The following PUDP variants were observed in gnomAD, a reference collection of about 807,000 sequenced individuals.
PUDP encodes pseudouridine-5'-phosphatase.
PUDP carries 8 observed loss-of-function variants against 9.4 expected under a neutral mutation model. The observed-to-expected ratio is 0.85, with a 90% CI of 0.50 to 1.53. PUDP has a LOEUF of 1.53. Ranked by LOEUF, PUDP falls within the 40% of genes most tolerant of loss-of-function variation. The pLI is 0.00. For synonymous variants in PUDP, 99 were observed against 80.7 expected (o/e 1.23, Z -1.22); for missense variants, 188 against 189.7 (o/e 0.99, Z 0.05).
At chrX:7,093,080 C>T in intron 2 of PUDP, among the ~76,000 whole-genome samples, 1 of 112,295 alleles carries the variant, frequency 8.9e-6, no homozygotes, top group South Asian at 3.7e-4. Context: ...CATTGTTGTA[C>T]AGCCATCACC....
At chrX:6,901,980 T>G (rs1417347612) in intron 3 of PUDP, among the ~76,000 whole-genome samples, 1 of 110,860 alleles carries the variant, frequency 9.0e-6, no homozygotes, top group Non-Finnish European at 1.9e-5. Flanking sequence ...CACAAGCGAT[T>G]CTTCCCCCTC....
chrX:6,751,791 A>C (rs2080112810), intron 3 of PUDP, among the ~76,000 whole-genome samples: 1 of 111,558 alleles, frequency 9.0e-6, no homozygotes, highest in African/African-American at 3.3e-5. Context: ...ATTATGCAAG[A>C]TATTTTTACA....
At chrX:6,806,075 G>A (rs1296092051) in intron 3 of PUDP, among the ~76,000 whole-genome samples, 1 of 110,846 alleles carries the variant, frequency 9.0e-6, no homozygotes, top group African/African-American at 3.3e-5. Flanking sequence ...ACAAGCAGTG[G>A]GAATGGATGG....
At chrX:6,996,552 T>C (rs1455921924) in intron 1 of PUDP, among the ~76,000 whole-genome samples, 1 of 91,858 alleles carries the variant, frequency 1.1e-5, no homozygotes, top group Non-Finnish European at 2.2e-5. Flanking sequence ...TTTCCATTTT[T>C]TCCTCATATA....
chrX:6,980,632 G>A (rs1331060437), intron 1 of PUDP, among the ~76,000 whole-genome samples: 4 of 108,523 alleles, frequency 3.7e-5, no homozygotes, highest in African/African-American at 1.0e-4. Context: ...CATGGGTTTC[G>A]CATCTGAGGA....
At chrX:6,772,572 T>C (rs979887021) in intron 3 of PUDP, among the ~76,000 whole-genome samples, 1 of 108,076 alleles carries the variant, frequency 9.3e-6, no homozygotes, top group African/African-American at 3.4e-5. Flanking sequence ...TTTCCAGCCA[T>C]TCCCAGAAAA....
chrX:6,895,913 G>A (rs1880342271), intron 3 of PUDP, among the ~76,000 whole-genome samples: 1 of 110,627 alleles, frequency 9.0e-6, no homozygotes, highest in Non-Finnish European at 1.9e-5. Context: ...GGGGGAAGGG[G>A]CGAGGGAGCT....
chrX:6,817,764 A>C (rs1414175456), intron 3 of PUDP, among the ~76,000 whole-genome samples: 1 of 111,412 alleles, frequency 9.0e-6, no homozygotes, highest in Non-Finnish European at 1.9e-5. Flanking sequence ...CCAGGTCTGC[A>C]TTTCTTCATA....
At chrX:7,027,892 T>C (rs1332919540) in intron 1 of PUDP, among the ~76,000 whole-genome samples, 1 of 97,374 alleles carries the variant, frequency 1.0e-5, no homozygotes. Flanking sequence ...TTTCTATATA[T>C]AGACTATATA....
chrX:7,076,775 G>A (rs1173955591), intron 3 of PUDP, among the ~76,000 whole-genome samples: 2 of 112,153 alleles, frequency 1.8e-5, no homozygotes, highest in East Asian at 5.6e-4. Context: ...AGCAAAAACT[G>A]CAGCAACCAA....
chrX:7,018,590 G>A (rs1424908786), intron 1 of PUDP, among the ~76,000 whole-genome samples: 2 of 112,645 alleles, frequency 1.8e-5, no homozygotes, highest in Middle Eastern at 4.6e-3. Flanking sequence ...CTGCAATGGC[G>A]ATGTGGTTGA....
chrX:6,748,467 G>A (rs776096432), intron 3 of PUDP, among the ~76,000 whole-genome samples: 35 of 111,449 alleles, frequency 3.1e-4, no homozygotes, highest in Non-Finnish European at 5.1e-4. Flanking sequence ...GAATAGACTC[G>A]TTGTTCAGTA....
At chrX:7,003,509 A>G (rs1234112232) in intron 1 of PUDP, among the ~76,000 whole-genome samples, 1 of 112,207 alleles carries the variant, frequency 8.9e-6, no homozygotes, top group Non-Finnish European at 1.9e-5. Context: ...AGAAGACAAT[A>G]TATGTGCCTA....
intron 1 of PUDP, among the ~76,000 whole-genome samples, chrX:7,108,383 C>T (rs912369088): frequency 1.8e-5 from 2 of 111,919 alleles, no homozygotes; most frequent in South Asian, 7.5e-4. Flanking sequence ...CCCAGTCCAC[C>T]CTGTGGACAC....
intron 1 of PUDP, among the ~76,000 whole-genome samples, chrX:7,123,792 C>G (rs1298064575): frequency 9.0e-6 from 1 of 111,640 alleles, no homozygotes; most frequent in Non-Finnish European, 1.9e-5. Context: ...AAAAACCAAA[C>G]AATTTTAATG....
intron 1 of PUDP, among the ~76,000 whole-genome samples, chrX:7,132,353 G>C (rs1307009782): frequency 8.9e-6 from 1 of 112,166 alleles, no homozygotes; most frequent in Non-Finnish European, 1.9e-5. Context: ...TCCGCCATCT[G>C]AATGGAGCCA....
intron 3 of PUDP, among the ~76,000 whole-genome samples, chrX:7,055,818 T>C (rs1930227433): frequency 8.9e-6 from 1 of 112,391 alleles, no homozygotes; most frequent in Non-Finnish European, 1.9e-5. Flanking sequence ...ATACAGTTTA[T>C]ATTTTGCACA....
intron 1 of PUDP, among the ~76,000 whole-genome samples, chrX:7,039,119 T>C (rs1221189859): frequency 9.1e-6 from 1 of 110,443 alleles, no homozygotes; most frequent in Admixed American, 9.7e-5. Context: ...TTTGTATTGA[T>C]TGGGTCTCCC....
intron 3 of PUDP, among the ~76,000 whole-genome samples, chrX:6,803,272 A>G (rs975152453): frequency 9.0e-6 from 1 of 110,648 alleles, no homozygotes. Flanking sequence ...CTTTGTAACC[A>G]TAAGTATCAC....
Sources: allele counts gnomAD v4.1 joint callset (sites outside exome capture counted in the v4.1 genomes callset), GRCh38; gene constraint gnomAD v4.1.1; transcripts MANE v1.5; gene names NCBI Gene and HGNC (gene_info 2026-07-23, HGNC 2026-07-21).